The following ZNF469 variants were observed in gnomAD, a reference collection of about 807,000 sequenced individuals.
ZNF469 encodes the protein zinc finger protein 469.
A neutral mutation model predicts 1.0 loss-of-function variants in ZNF469; 1 was observed. The ratio of observed to expected loss-of-function variants is 1.00; its 90% CI spans 0.35 to 4.73. The LOEUF (loss-of-function observed/expected upper bound fraction) is 4.73. ZNF469 is among the 30% of genes most tolerant of loss of function. ZNF469 has a pLI of 0.16. For missense variants in ZNF469, 6,100 were observed against 5,356.3 expected (o/e 1.14, Z -4.33); for synonymous variants, 2,703 against 2,363.4 (o/e 1.14, Z -4.17).
chr16:88,175,450 T>G, the ZNF469 span, among the ~76,000 whole-genome samples: 1,468 of 152,316 alleles, frequency 9.6e-3, 34 homozygotes, highest in African/African-American at 0.034. Flanking sequence ...ATGAAATAGA[T>G]ACCACTAAAT....
chr16:88,337,072 G>A, the ZNF469 span, among the ~76,000 whole-genome samples: 10,448 of 152,260 alleles, frequency 0.069, 469 homozygotes, highest in South Asian at 0.13. Flanking sequence ...TGGTTTAACC[G>A]TTCACCAAAT....
At chr16:88,237,476 T>A in the ZNF469 span, among the ~76,000 whole-genome samples, 4 of 114,008 alleles carry the variant, frequency 3.5e-5, no homozygotes, top group Non-Finnish European at 3.7e-5. Flanking sequence ...CTCCCTGCCC[T>A]CCGTGCTCCT....
At chr16:88,363,344 C>T in the ZNF469 span, among the ~76,000 whole-genome samples, 2 of 152,230 alleles carry the variant, frequency 1.3e-5, no homozygotes, top group South Asian at 4.1e-4. Flanking sequence ...CCTTTAGATT[C>T]TGCTGTGTGC....
chr16:88,390,962 C>T (rs959729375), intron 1 of ZNF469, among the ~76,000 whole-genome samples: 1 of 152,250 alleles, frequency 6.6e-6, no homozygotes, highest in Non-Finnish European at 1.5e-5. Context: ...AAAGACCCGA[C>T]CCAGGCAGCT....
the ZNF469 span, among the ~76,000 whole-genome samples, chr16:88,368,154 A>G: frequency 1.4e-4 from 21 of 152,242 alleles, no homozygotes; most frequent in Non-Finnish European, 2.2e-4. Context: ...ACTGGGCCTC[A>G]CTGCTGCCCA....
the ZNF469 span, among the ~76,000 whole-genome samples, chr16:88,368,536 G>A: frequency 6.6e-6 from 1 of 152,216 alleles, no homozygotes; most frequent in Non-Finnish European, 1.5e-5. Context: ...TTGGAGAGAA[G>A]GTGGTCTGGA....
intron 1 of ZNF469, among the ~76,000 whole-genome samples, chr16:88,418,509 G>A (rs1905363316): frequency 6.6e-6 from 1 of 152,068 alleles, no homozygotes; most frequent in African/African-American, 2.4e-5. Flanking sequence ...AATTTCAGTG[G>A]GTGGCAGGGC....
chr16:88,180,788 A>AACAG, the ZNF469 span, among the ~76,000 whole-genome samples: 2 of 150,632 alleles, frequency 1.3e-5, no homozygotes, highest in African/African-American at 4.9e-5. Context: ...CAAACAAACA[A>AACAG]ACAAACAAAT....
Position 88,434,810 on chromosome 16 carries a change from G to C in ZNF469, c.7340G>C (p.Arg2447Thr), listed in dbSNP as rs558035857. The C allele has an allele frequency of 3.8e-5, 59 of 1,550,220 alleles. No homozygotes were observed. The South Asian group carries it at 6.5e-4, about 17-fold the overall frequency. The part of the protein sequence containing the change: ...DPLGPQDLKQ[R>T]SRGYKKKPAS... ...CTCGGCCCCCAAGACCTCAAACAGA[G>C]GTCCCGTGGCTATAAAAAGAAGCCT... Residue 2447 changes from arginine to threonine, a missense_variant, in exon 3 of 3, where the codon AGG becomes ACG. By Grantham distance (71) the Arg-to-Thr change is moderately conservative. Transcript: ENST00000565624.
At chr16:88,211,939 A>C in the ZNF469 span, among the ~76,000 whole-genome samples, 1 of 152,050 alleles carries the variant, frequency 6.6e-6, no homozygotes, top group Non-Finnish European at 1.5e-5. Context: ...ATGCTCTCCA[A>C]TTCCTCCAGA....
chr16:88,429,553 C>T lies in ZNF469; in HGVS notation c.2083C>T (p.Pro695Ser). The change falls in exon 3 of 3, where the codon CCC (proline) becomes TCC (serine). Residue 695 changes from proline (P) to serine (S), a missense_variant. By Grantham distance (74) the Pro-to-Ser change is moderately conservative (BLOSUM62 -1). Transcript: ENST00000565624. The part of the protein sequence containing the change: ...LEETPFPHEG[P>S]EVGRGGLQGF... The stretch of plus-strand genomic sequence containing the variant: ...GGAGACCCCATTCCCCCACGAGGGC[C>T]CCGAGGTGGGTCGGGGAGGGCTGCA... The T allele has an allele frequency of 6.5e-7, 1 of 1,550,174 alleles. No individual in the cohort carries two copies. Among genetic ancestry groups the T allele is most frequent in the Non-Finnish European group, 8.7e-7 (1 of 1,146,868 alleles).
chr16:88,436,593 C>G lies in ZNF469; in HGVS notation c.9123C>G (p.Leu3041=). Residue 3041 remains leucine, a synonymous_variant, in exon 3 of 3, where the codon CTC becomes CTG. Transcript: ENST00000565624. ...CCGGGAACACCCACCTGCTGCCGCT[C>G]CGTGCCACGGACTTTGAGGTGCTCA... ...GLPGNTHLLP[L]RATDFEVLST... The G allele has an allele frequency of 1.3e-6, 2 of 1,550,220 alleles. No individual in the cohort carries two copies. Among genetic ancestry groups the G allele is most frequent in the Non-Finnish European group, 1.7e-6 (2 of 1,146,964 alleles).
chr16:88,175,433 C>G, the ZNF469 span, among the ~76,000 whole-genome samples: 1 of 152,202 alleles, frequency 6.6e-6, no homozygotes, highest in East Asian at 1.9e-4. Flanking sequence ...GGACTATATT[C>G]TGGGCCATGA....
chr16:88,408,665 C>T (rs1193466905), intron 1 of ZNF469, among the ~76,000 whole-genome samples: 1 of 152,212 alleles, frequency 6.6e-6, no homozygotes, highest in East Asian at 1.9e-4. Context: ...GCTTTCCTTC[C>T]GGAATCGTCT....
the ZNF469 span, among the ~76,000 whole-genome samples, chr16:88,206,192 C>T: frequency 6.6e-6 from 1 of 152,220 alleles, no homozygotes; most frequent in Non-Finnish European, 1.5e-5. Flanking sequence ...CGGGATAGGA[C>T]TTGTTTTTCT....
the ZNF469 span, among the ~76,000 whole-genome samples, chr16:88,114,286 A>ACTCACTCACTGCGGGGG: frequency 8.2e-6 from 1 of 122,502 alleles, no homozygotes; most frequent in South Asian, 3.0e-4. Flanking sequence ...CAGGGACCAC[A>ACTCACTCACTGCGGGGG]TTCACTCACT....
At chr16:88,372,119 T>C in the ZNF469 span, among the ~76,000 whole-genome samples, 4 of 40,442 alleles carry the variant, frequency 9.9e-5, no homozygotes, top group East Asian at 5.5e-4. Flanking sequence ...ATCACCACCA[T>C]CATCACCATC....
chr16:88,244,159 G>A, the ZNF469 span, among the ~76,000 whole-genome samples: 1 of 148,492 alleles, frequency 6.7e-6, no homozygotes, highest in African/African-American at 2.5e-5. Context: ...ATGGGTGGAT[G>A]TGTGGATGGA....
At chr16:88,283,909 A>AC in the ZNF469 span, among the ~76,000 whole-genome samples, 1 of 123,850 alleles carries the variant, frequency 8.1e-6, no homozygotes, top group Non-Finnish European at 1.6e-5. Flanking sequence ...AGGCTGGTAG[A>AC]CCCCCAGTGT....
Sources: gnomAD v4.1 joint callset for allele counts (sites outside exome capture counted in the v4.1 genomes callset) on GRCh38, gnomAD v4.1.1 for gene constraint, MANE v1.5 for transcripts, NCBI Gene and HGNC (gene_info 2026-07-23, HGNC 2026-07-21) for gene names.